The following ZNF503 variants were observed in gnomAD, a reference collection of about 807,000 sequenced individuals.
ZNF503 encodes the protein zinc finger protein 503, also known as NocA-like zinc finger 2.
A neutral mutation model predicts 34.4 loss-of-function variants in ZNF503; 15 were observed. That is an observed-to-expected ratio of 0.44 (90% CI 0.29 to 0.67). The LOEUF (loss-of-function observed/expected upper bound fraction) is 0.67, where lower values mean the gene tolerates loss of function less well. Ranked by LOEUF, ZNF503 falls within the 30% of genes least tolerant of loss-of-function variation. ZNF503 has a pLI of 0.13. For synonymous variants in ZNF503, 580 were observed against 456.8 expected (o/e 1.27, Z -3.44); for missense variants, 1,007 against 926.8 (o/e 1.09, Z -1.12).
chr10:75,392,631 CG>C, the ZNF503 span, among the ~76,000 whole-genome samples: 1 of 152,004 alleles, frequency 6.6e-6, no homozygotes, highest in Non-Finnish European at 1.5e-5. Context: ...TGGTGAGACA[CG>C]AGGTAGAGCA....
the ZNF503 span, among the ~76,000 whole-genome samples, chr10:75,347,104 G>T: frequency 6.6e-6 from 1 of 152,174 alleles, no homozygotes; most frequent in Non-Finnish European, 1.5e-5. Flanking sequence ...AATATTAAAT[G>T]AGTTATATAC....
the ZNF503 span, among the ~76,000 whole-genome samples, chr10:75,336,206 T>C: frequency 6.6e-6 from 1 of 152,162 alleles, no homozygotes; most frequent in Non-Finnish European, 1.5e-5. Context: ...ACTTCTTCTA[T>C]TACACCTACT....
the ZNF503 span, among the ~76,000 whole-genome samples, chr10:75,370,214 C>T: frequency 6.6e-5 from 10 of 152,068 alleles, no homozygotes; most frequent in Non-Finnish European, 1.5e-4. Flanking sequence ...TTTAAAAACA[C>T]TAAGCTAATA....
the ZNF503 span, among the ~76,000 whole-genome samples, chr10:75,390,546 T>C: frequency 7.6e-4 from 115 of 152,142 alleles, 1 homozygote; most frequent in African/African-American, 2.7e-3. Flanking sequence ...TCAACTGAAT[T>C]GCACCAACTC....
the ZNF503 span, among the ~76,000 whole-genome samples, chr10:75,287,718 G>T: frequency 2.0e-5 from 3 of 152,206 alleles, no homozygotes; most frequent in African/African-American, 7.2e-5. Context: ...TCATTCTGCT[G>T]CTCCATGTTG....
the ZNF503 span, among the ~76,000 whole-genome samples, chr10:75,285,414 A>T: frequency 6.6e-6 from 1 of 152,244 alleles, no homozygotes; most frequent in East Asian, 1.9e-4. Context: ...TTGGCAGCAG[A>T]TGCCCTCCTA....
At chr10:75,307,076 C>T in the ZNF503 span, among the ~76,000 whole-genome samples, 1 of 152,054 alleles carries the variant, frequency 6.6e-6, no homozygotes, top group Non-Finnish European at 1.5e-5. Context: ...AAGAAAGAGC[C>T]GCACACTTCT....
the ZNF503 span, among the ~76,000 whole-genome samples, chr10:75,351,882 G>T: frequency 6.6e-6 from 1 of 152,248 alleles, no homozygotes; most frequent in East Asian, 1.9e-4. Flanking sequence ...TGGGCCTCCA[G>T]TTCTTCCCCA....
At chr10:75,394,706 C>T (rs1450924915), downstream of ZNF503, among the ~76,000 whole-genome samples, 1 of 152,202 alleles carries the variant, frequency 6.6e-6, no homozygotes, top group Non-Finnish European at 1.5e-5. Flanking sequence ...CCAGGTGTGG[C>T]AGAGTCAGAG....
chr10:75,368,877 C>A, the ZNF503 span, among the ~76,000 whole-genome samples: 2 of 152,210 alleles, frequency 1.3e-5, no homozygotes, highest in Non-Finnish European at 2.9e-5. Context: ...CAAAGTGATT[C>A]TTTCAGCTCT....
chr10:75,359,778 G>C, the ZNF503 span, among the ~76,000 whole-genome samples: 1 of 152,158 alleles, frequency 6.6e-6, no homozygotes, highest in Non-Finnish European at 1.5e-5. Flanking sequence ...GCAGCTCCTG[G>C]GAAGGAGGAG....
chr10:75,300,191 C>T, the ZNF503 span, among the ~76,000 whole-genome samples: 1 of 152,208 alleles, frequency 6.6e-6, no homozygotes, highest in Non-Finnish European at 1.5e-5. Flanking sequence ...AAAAAGAATT[C>T]AGCGATATTT....
chr10:75,335,272 C>T, the ZNF503 span, among the ~76,000 whole-genome samples: 2 of 152,064 alleles, frequency 1.3e-5, no homozygotes, highest in South Asian at 2.1e-4. Flanking sequence ...GCTATATTGG[C>T]GTTTGCTATC....
chr10:75,386,025 T>G, the ZNF503 span, among the ~76,000 whole-genome samples: 15 of 152,336 alleles, frequency 9.8e-5, no homozygotes, highest in Non-Finnish European at 2.1e-4. Context: ...CTGCTCTCCC[T>G]CTAGAATTTC....
At chr10:75,299,632 G>T in the ZNF503 span, among the ~76,000 whole-genome samples, 1 of 152,064 alleles carries the variant, frequency 6.6e-6, no homozygotes, top group Non-Finnish European at 1.5e-5. Context: ...TTTCACGTAG[G>T]TTCTTTTCTA....
At chr10:75,370,961 G>T in the ZNF503 span, among the ~76,000 whole-genome samples, 1 of 152,168 alleles carries the variant, frequency 6.6e-6, no homozygotes, top group Non-Finnish European at 1.5e-5. Flanking sequence ...AGAGAGGACA[G>T]CAGAAAGAGA....
the ZNF503 span, among the ~76,000 whole-genome samples, chr10:75,351,493 A>C: frequency 6.6e-6 from 1 of 152,170 alleles, no homozygotes; most frequent in African/African-American, 2.4e-5. Flanking sequence ...TTTTTGAGGC[A>C]CAACTGAATT....
At chr10:75,302,339 G>A in the ZNF503 span, among the ~76,000 whole-genome samples, 1 of 152,022 alleles carries the variant, frequency 6.6e-6, no homozygotes, top group Non-Finnish European at 1.5e-5. Flanking sequence ...GTGGATCTAG[G>A]TGTAGATCTC....
At chr10:75,375,623 T>G in the ZNF503 span, among the ~76,000 whole-genome samples, 2 of 152,018 alleles carry the variant, frequency 1.3e-5, no homozygotes, top group African/African-American at 4.8e-5. Flanking sequence ...TTCAAGAGAT[T>G]CTCATGTCTC....
Sources: gnomAD v4.1 joint callset for allele counts (sites outside exome capture counted in the v4.1 genomes callset) on GRCh38, gnomAD v4.1.1 for gene constraint, MANE v1.5 for transcripts, NCBI Gene and HGNC (gene_info 2026-07-23, HGNC 2026-07-21) for gene names.